The following OR6C1 variants were observed in gnomAD, a reference collection of about 807,000 sequenced individuals.
OR6C1 encodes the protein olfactory receptor 6C1.
For synonymous variants in OR6C1, 157 were observed against 133.3 expected, an observed-to-expected ratio of 1.18 and a Z score of -1.22; for missense variants, 386 against 366.1, an observed-to-expected ratio of 1.05 and a Z score of -0.44.
At chr12:55,316,129 ACC>A (rs10682483) in intron 1 of OR6C1, among the ~76,000 whole-genome samples, 16,773 of 125,124 alleles carry the variant, frequency 0.13, 1,052 homozygotes, top group African/African-American at 0.28. Context: ...ACACACACAC[ACC>A]CCCCGAGAGA....
rs536764023 is a variant in OR6C1, at chr12:55,321,828, T to C, written c.*290T>C. On this transcript the variant is annotated 3_prime_UTR_variant, in exon 2 of 2. Transcript: ENST00000642104. ...TTCAAGAAATAAAATTATACCTAGA[T>C]ACATTGGAATGGCTTTATAAATATC... is the stretch of plus-strand genomic sequence containing the variant. 2 of 229,832 alleles carry C rather than the reference T, an allele frequency of 8.7e-6. No individual in the cohort carries two copies. Among genetic ancestry groups the C allele is most frequent in the Non-Finnish European group, 1.7e-5 (2 of 117,712 alleles). The allele number at this position is 229,832 out of a possible 1,614,324, so 14.2% of individuals were successfully genotyped here.
At chr12:55,318,259 TGTGTG>T (rs1321370244) in intron 1 of OR6C1, among the ~76,000 whole-genome samples, 1,921 of 145,368 alleles carry the variant, frequency 0.013, 41 homozygotes, top group African/African-American at 0.049. Flanking sequence ...TGTGTGTGTG[TGTGTG>T]GTGGTGGTGG....
chr12:55,316,094 CAT>C (rs1442735861), intron 1 of OR6C1, among the ~76,000 whole-genome samples: 2 of 123,380 alleles, frequency 1.6e-5, no homozygotes, highest in African/African-American at 4.2e-5. Context: ...TTAAAAAGTA[CAT>C]ACACACACAC....
Position 55,317,943 on chromosome 12 carries a change from GTA to G in OR6C1, c.-33-2615_-33-2614del, listed in dbSNP as rs201954833. 2.3e-3 allele frequency among the ~76,000 whole-genome samples: 317 copies of G among 140,290 alleles called. 2 individuals carry two copies. The highest frequency in any genetic ancestry group is 8.5e-3 in the African/African-American group (303 of 35,846). The allele number at this position is 140,290 out of a possible 152,430, so 92.0% of individuals were successfully genotyped here. On this transcript the variant is annotated intron_variant, in intron 1 of 1. Transcript: ENST00000642104. ...ATATATATATATATTATATATATAT[GTA>G]TATATATACACACACACACACACAT... is the stretch of plus-strand genomic sequence containing the variant.
At position 55,321,402 on chromosome 12, in the gene OR6C1, T is replaced by A; in HGVS notation, c.803T>A (p.Leu268Ter). Residue 268 changes from leucine (L) to a stop codon, truncating the protein, a stop_gained, in exon 2 of 2, where the codon TTG becomes TAG. Coordinates refer to ENST00000642104, the MANE Select transcript of OR6C1 (RefSeq NM_001005182.2). LOFTEE classifies it low-confidence loss of function (END_TRUNC). ...IKPSAKDRVSLSKGVAILNTS... is the reference protein window; with the variant it reads ...IKPSAKDRVS ...CCCTCAGCAAAAGATAGAGTGTCCT[T>A]GAGCAAGGGAGTGGCAATACTAAAC... The A allele has an allele frequency of 6.2e-7, 1 of 1,613,992 alleles. No homozygotes were observed. The highest frequency in any genetic ancestry group is 1.3e-5 in the African/African-American group (1 of 75,038).
intron 1 of OR6C1, among the ~76,000 whole-genome samples, chr12:55,316,131 C>CACACA (rs1555172618): frequency 0.015 from 1,806 of 121,744 alleles, 39 homozygotes; most frequent in African/African-American, 0.065. Flanking sequence ...ACACACACAC[C>CACACA]CCCCGAGAGA....
chr12:55,321,611 T>C lies in OR6C1; in HGVS notation c.*73T>C. The C allele has an allele frequency of 2.0e-6, 2 of 994,654 alleles. No individual in the cohort carries two copies. The highest frequency in any genetic ancestry group is 3.4e-5 in the South Asian group (2 of 58,768). The allele number at this position is 994,654 out of a possible 1,614,324, so 61.6% of individuals were successfully genotyped here. On this transcript the variant is annotated 3_prime_UTR_variant, in exon 2 of 2. Transcript: ENST00000642104. ...TTTTCAGTAGCTTCTTCAATCAAAA[T>C]GGCCTCCTTGCAGTCTTCTGCATCA... is the stretch of plus-strand genomic sequence containing the variant.
In OR6C1 at chr12:55,321,851, A is replaced by G. The variant is rs1030273497; in HGVS notation, c.*313A>G. ...GATACATTGGAATGGCTTTATAAAT[A>G]TCAATATGATATTCTACTTGTTATA... is the stretch of plus-strand genomic sequence containing the variant. On this transcript the variant is annotated 3_prime_UTR_variant, in exon 2 of 2. Transcript: ENST00000642104. 1.6e-5 allele frequency: 3 copies of G among 192,764 alleles called. No individual in the cohort carries two copies. The East Asian group carries it at 3.7e-4, about 24-fold the overall frequency. The allele number at this position is 192,764 out of a possible 1,614,324, so 11.9% of individuals were successfully genotyped here.
chr12:55,317,867 TG>T (rs1256871455), intron 1 of OR6C1, among the ~76,000 whole-genome samples: 4 of 149,632 alleles, frequency 2.7e-5, no homozygotes, highest in African/African-American at 9.8e-5. Flanking sequence ...AAAGGTAATT[TG>T]GGATGTCATT....
chr12:55,315,258 T>C (rs996621981), intron 1 of OR6C1, among the ~76,000 whole-genome samples: 2 of 151,686 alleles, frequency 1.3e-5, no homozygotes, highest in Non-Finnish European at 3.0e-5. Context: ...ATCCATTAAA[T>C]GTCTCATTCA....
At chr12:55,318,521 T>G (rs1232868171) in intron 1 of OR6C1, among the ~76,000 whole-genome samples, 1 of 151,450 alleles carries the variant, frequency 6.6e-6, no homozygotes, top group African/African-American at 2.4e-5. Context: ...TTCAGCTCAA[T>G]GGTTAGGAAA....
chr12:55,316,447 C>G (rs1340419153), intron 1 of OR6C1, among the ~76,000 whole-genome samples: 3 of 151,606 alleles, frequency 2.0e-5, no homozygotes, highest in Non-Finnish European at 4.4e-5. Context: ...CTTTAGAAAA[C>G]AAGTAAGTAA....
Position 55,321,677 on chromosome 12 carries a change from A to G in OR6C1, c.*139A>G, listed in dbSNP as rs973847523. On this transcript the variant is annotated 3_prime_UTR_variant, in exon 2 of 2. Transcript: ENST00000642104. Reference sequence around the variant, plus strand: ...AAGTTTGCAAGCATATTTATTTAATATATTTCTCATTTGACTTAAAATAAT... The same window carrying G: ...AAGTTTGCAAGCATATTTATTTAATGTATTTCTCATTTGACTTAAAATAAT... 7 of 476,352 alleles carry G rather than the reference A, an allele frequency of 1.5e-5. No individual in the cohort carries two copies. Among genetic ancestry groups the G allele is most frequent in the Non-Finnish European group, 2.5e-5 (7 of 280,108 alleles). The allele number at this position is 476,352 out of a possible 1,614,324, so 29.5% of individuals were successfully genotyped here.
In OR6C1 at chr12:55,320,791, C is replaced by T. The variant is rs1868523141; in HGVS notation, c.192C>T (p.Phe64=). ...QTPMYFFLRN[F]SILEISFTTV... ...CCATGTATTTCTTCCTCAGAAATTTCTCCATATTAGAAATTTCGTTCACAA... is the reference window on the plus strand; with the variant it reads ...CCATGTATTTCTTCCTCAGAAATTTTTCCATATTAGAAATTTCGTTCACAA... Residue 64 remains phenylalanine (F), a synonymous_variant, in exon 2 of 2, where the codon TTC becomes TTT. Coordinates refer to ENST00000642104, the MANE Select transcript of OR6C1 (RefSeq NM_001005182.2). 3.1e-6 allele frequency: 5 copies of T among 1,614,000 alleles called. No individual in the cohort carries two copies. The African/African-American group carries it at 4.0e-5, about 13-fold the overall frequency.
chr12:55,320,491 C>T (rs760039558), intron 1 of OR6C1, 76 bp from the exon 2 acceptor site: 39 of 676,914 alleles, frequency 5.8e-5, no homozygotes, highest in Non-Finnish European at 8.3e-5. Flanking sequence ...ACTATGTCAA[C>T]CAAACTCCAG....
chr12:55,317,952 TAC>T (rs61539539), intron 1 of OR6C1, among the ~76,000 whole-genome samples: 11,814 of 146,006 alleles, frequency 0.081, 1,471 homozygotes, highest in African/African-American at 0.27. Flanking sequence ...TGTATATATA[TAC>T]ACACACACAC....
chr12:55,318,677 A>G (rs1868462594), intron 1 of OR6C1, among the ~76,000 whole-genome samples: 1 of 148,948 alleles, frequency 6.7e-6, no homozygotes, highest in South Asian at 2.1e-4. Flanking sequence ...ACACATATTT[A>G]TAAAGAATTT....
intron 1 of OR6C1, among the ~76,000 whole-genome samples, chr12:55,316,115 ACACACACACACACACC>A (rs1292145573): frequency 1.4e-5 from 2 of 141,900 alleles, no homozygotes; most frequent in Non-Finnish European, 3.0e-5. Flanking sequence ...ACACACACAC[ACACACACACACACACC>A]CCCCGAGAGA....
intron 1 of OR6C1, among the ~76,000 whole-genome samples, chr12:55,316,474 G>C (rs1045472821): frequency 1.3e-5 from 2 of 151,752 alleles, no homozygotes; most frequent in African/African-American, 2.4e-5. Context: ...TGAAATGGTG[G>C]AAGGAAATGA....
Sources: allele counts gnomAD v4.1 joint callset (sites outside exome capture counted in the v4.1 genomes callset), GRCh38; gene constraint gnomAD v4.1.1; transcripts MANE v1.5; gene names NCBI Gene and HGNC (gene_info 2026-07-23, HGNC 2026-07-21).